Variants in PDE4B observed in about 807,000 individuals in gnomAD.
The protein encoded by PDE4B is 3',5'-cyclic-AMP phosphodiesterase 4B.
A neutral mutation model predicts 82.2 loss-of-function variants in PDE4B; 20 were observed. That is an observed-to-expected ratio of 0.24 (90% CI 0.17 to 0.35). The LOEUF (loss-of-function observed/expected upper bound fraction) is 0.35, where lower values mean the gene tolerates loss of function less well. Among genes scored for constraint, PDE4B ranks in the 10% least tolerant of loss-of-function variants. The pLI, the probability that PDE4B is intolerant of heterozygous loss-of-function variation, is 1.00. For synonymous variants in PDE4B, 320 were observed against 318.9 expected (o/e 1.00, Z -0.04); for missense variants, 655 against 907.2 (o/e 0.72, Z 3.57).
At chr1:66,358,896 A>C (rs1385792163) in intron 9 of PDE4B, among the ~76,000 whole-genome samples, 2 of 152,120 alleles carry the variant, frequency 1.3e-5, no homozygotes, top group African/African-American at 4.8e-5. Context: ...TGTCATTCCT[A>C]TCTTTTAAAA....
At chr1:65,916,613 A>T (rs535223993) in intron 2 of PDE4B, among the ~76,000 whole-genome samples, 1 of 152,188 alleles carries the variant, frequency 6.6e-6, no homozygotes, top group East Asian at 1.9e-4. Context: ...TACCATTATG[A>T]TTTCCTTTAG....
Position 66,026,230 on chromosome 1 carries a change from C to A in PDE4B, c.281+107395C>A, listed in dbSNP as rs1653424975. On this transcript the variant is annotated intron_variant, in intron 3 of 16. Coordinates refer to ENST00000341517, the MANE Select transcript of PDE4B (RefSeq NM_002600.4). ...ATTACAGTAGAAGGCATGGTCAGGA[C>A]TCATGCCTACACTTTCAGCTTTGAC... Among the ~76,000 whole-genome samples the A allele has an allele frequency of 2.0e-5, 3 of 152,182 alleles. No homozygotes were observed. In the South Asian group the frequency reaches 6.2e-4, roughly 32 times the overall value.
intron 3 of PDE4B, among the ~76,000 whole-genome samples, chr1:66,097,562 C>T (rs1645141320): frequency 6.6e-6 from 1 of 151,874 alleles, no homozygotes; most frequent in African/African-American, 2.4e-5. Context: ...TGTTTAATAT[C>T]ATGGCAATAC....
intron 3 of PDE4B, among the ~76,000 whole-genome samples, chr1:66,205,505 G>C (rs760907695): frequency 5.3e-5 from 8 of 152,104 alleles, no homozygotes; most frequent in Admixed American, 2.6e-4. Flanking sequence ...CTCATCCATA[G>C]TTTACTTTTA....
intron 3 of PDE4B, among the ~76,000 whole-genome samples, chr1:66,036,987 C>T (rs943717027): frequency 2.6e-5 from 4 of 151,580 alleles, no homozygotes; most frequent in East Asian, 1.9e-4. Flanking sequence ...ACAAAAAGTT[C>T]GCCGGGTATG....
At chr1:66,015,284 T>C (rs2489924) in intron 3 of PDE4B, among the ~76,000 whole-genome samples, 151,156 of 152,290 alleles carry the variant, frequency 0.99, 75,026 homozygotes, top group Middle Eastern at 1. Flanking sequence ...TAGAGATTGT[T>C]TTGGCCTAGC....
intron 3 of PDE4B, among the ~76,000 whole-genome samples, chr1:66,177,226 T>C (rs1272368029): frequency 6.6e-6 from 1 of 152,194 alleles, no homozygotes; most frequent in Non-Finnish European, 1.5e-5. Context: ...TGTGTATTGT[T>C]TATTTCCGTC....
At chr1:65,837,053 T>C (rs532143365) in intron 1 of PDE4B, among the ~76,000 whole-genome samples, 98 of 152,150 alleles carry the variant, frequency 6.4e-4, no homozygotes, top group Non-Finnish European at 1.3e-3. Flanking sequence ...GAAATGTCAC[T>C]GTATACTTTT....
intron 1 of PDE4B, among the ~76,000 whole-genome samples, chr1:65,912,024 A>G (rs1459347913): frequency 1.3e-5 from 2 of 152,124 alleles, no homozygotes; most frequent in Non-Finnish European, 2.9e-5. Context: ...GGCATGCATT[A>G]AGGGTTAAAT....
At chr1:66,111,508 C>A (rs955953283) in intron 3 of PDE4B, among the ~76,000 whole-genome samples, 1 of 152,060 alleles carries the variant, frequency 6.6e-6, no homozygotes, top group Non-Finnish European at 1.5e-5. Flanking sequence ...TATAAGTAGA[C>A]TCATAGAATA....
chr1:66,144,361 A>G (rs1293860676), intron 3 of PDE4B, among the ~76,000 whole-genome samples: 1 of 152,230 alleles, frequency 6.6e-6, no homozygotes, highest in African/African-American at 2.4e-5. Flanking sequence ...ATGATCTAAT[A>G]GAAACAAGCG....
At chr1:66,312,195 A>G (rs1658722765) in intron 7 of PDE4B, among the ~76,000 whole-genome samples, 1 of 152,222 alleles carries the variant, frequency 6.6e-6, no homozygotes, top group Non-Finnish European at 1.5e-5. Flanking sequence ...TTGAGCCTCC[A>G]TTCTTAATTC....
intron 3 of PDE4B, among the ~76,000 whole-genome samples, chr1:66,021,098 G>C (rs1223511821): frequency 2.6e-5 from 4 of 152,136 alleles, no homozygotes; most frequent in African/African-American, 4.8e-5. Context: ...GTGTCTGTTG[G>C]CTGCATAAAT....
intron 1 of PDE4B, among the ~76,000 whole-genome samples, chr1:65,899,191 A>G (rs1646944438): frequency 6.6e-6 from 1 of 152,182 alleles, no homozygotes; most frequent in South Asian, 2.1e-4. Flanking sequence ...GAATATGTAC[A>G]ATTGGCCAAC....
chr1:66,309,062 T>A (rs973260254), intron 7 of PDE4B, among the ~76,000 whole-genome samples: 1 of 152,102 alleles, frequency 6.6e-6, no homozygotes, highest in Non-Finnish European at 1.5e-5. Context: ...AAACAAAAAA[T>A]CCTGTGTCTT....
intron 3 of PDE4B, among the ~76,000 whole-genome samples, chr1:66,138,725 C>T (rs750588022): frequency 6.6e-6 from 1 of 152,156 alleles, no homozygotes; most frequent in Admixed American, 6.5e-5. Context: ...TCCAGTCAGC[C>T]TTATCATTTA....
intron 3 of PDE4B, among the ~76,000 whole-genome samples, chr1:66,064,777 C>A (rs139381473): frequency 5.3e-5 from 8 of 151,980 alleles, no homozygotes; most frequent in African/African-American, 1.9e-4. Flanking sequence ...AACTTGAGTG[C>A]CAACTCTTAA....
intron 1 of PDE4B, among the ~76,000 whole-genome samples, chr1:65,908,671 A>G (rs988980456): frequency 2.6e-5 from 4 of 152,110 alleles, no homozygotes; most frequent in African/African-American, 9.7e-5. Context: ...AGAGTAGACT[A>G]TCGGGCAAGG....
At chr1:66,096,531 T>TATATAC (rs1645123788) in intron 3 of PDE4B, among the ~76,000 whole-genome samples, 1 of 143,210 alleles carries the variant, frequency 7.0e-6, no homozygotes, top group Non-Finnish European at 1.5e-5. Context: ...TATATATATA[T>TATATAC]ATATATATAT....
Sources: gnomAD v4.1 joint callset for allele counts (sites outside exome capture counted in the v4.1 genomes callset) on GRCh38, gnomAD v4.1.1 for gene constraint, MANE v1.5 for transcripts, NCBI Gene and HGNC (gene_info 2026-07-23, HGNC 2026-07-21) for gene names.